Variants in DPP6 observed in about 807,000 individuals in gnomAD.
DPP6 encodes the protein A-type potassium channel modulatory protein DPP6.
Under a neutral mutation model 122.6 loss-of-function variants are expected in DPP6, and 69 were observed. The ratio of observed to expected loss-of-function variants is 0.56; its 90% confidence interval spans 0.46 to 0.69. The LOEUF (loss-of-function observed/expected upper bound fraction) is 0.69. DPP6 is among the 30% of genes least tolerant of loss of function. The pLI is 0.00. For missense variants in DPP6, 928 were observed against 1,116.9 expected (o/e 0.83, Z 2.41); for synonymous variants, 418 against 433.1 (o/e 0.97, Z 0.43).
intron 1 of DPP6, among the ~76,000 whole-genome samples, chr7:154,222,022 G>T (rs1415958687): frequency 1.3e-5 from 2 of 152,074 alleles, no homozygotes; most frequent in Non-Finnish European, 2.9e-5. Context: ...ATCTTTTCGG[G>T]AGAACCTCTG....
At chr7:153,791,161 T>C in the DPP6 span, among the ~76,000 whole-genome samples, 1 of 152,152 alleles carries the variant, frequency 6.6e-6, no homozygotes, top group Non-Finnish European at 1.5e-5. Flanking sequence ...TTTGTTGGGG[T>C]TTCATTGATA....
chr7:154,888,524 C>T (rs34448698), intron 23 of DPP6, among the ~76,000 whole-genome samples: 14,457 of 152,208 alleles, frequency 0.095, 938 homozygotes, highest in South Asian at 0.17. Context: ...AGCTCCTGGC[C>T]GAGGCAGCAC....
At chr7:154,288,859 A>G (rs1441177724) in intron 1 of DPP6, among the ~76,000 whole-genome samples, 9 of 152,226 alleles carry the variant, frequency 5.9e-5, no homozygotes, top group Admixed American at 3.9e-4. Context: ...TTCCATGTGG[A>G]TAGAGCAAAA....
At chr7:154,372,845 A>C (rs1812792986) in intron 1 of DPP6, among the ~76,000 whole-genome samples, 2 of 152,152 alleles carry the variant, frequency 1.3e-5, no homozygotes, top group African/African-American at 4.8e-5. Flanking sequence ...CCATCCTGGG[A>C]ATGCATGACA....
chr7:154,882,212 G>A (rs940420146), intron 21 of DPP6, among the ~76,000 whole-genome samples: 3 of 152,160 alleles, frequency 2.0e-5, no homozygotes, highest in South Asian at 2.1e-4. Context: ...ACAGGCAGCC[G>A]AGGTGCCAAA....
the DPP6 span, among the ~76,000 whole-genome samples, chr7:153,806,554 T>A: frequency 6.6e-6 from 1 of 151,730 alleles, no homozygotes. Flanking sequence ...ATATACATTT[T>A]TCAATCCTTA....
intron 1 of DPP6, among the ~76,000 whole-genome samples, chr7:154,003,925 T>C (rs1797793971): frequency 6.6e-6 from 1 of 152,220 alleles, no homozygotes; most frequent in African/African-American, 2.4e-5. Flanking sequence ...AATGGGGAAA[T>C]AGGCTCTATC....
At chr7:154,388,994 T>C (rs1219872866) in intron 1 of DPP6, among the ~76,000 whole-genome samples, 1 of 152,184 alleles carries the variant, frequency 6.6e-6, no homozygotes, top group Non-Finnish European at 1.5e-5. Flanking sequence ...CCTGAGCGTT[T>C]TGATTTTTCT....
At chr7:153,811,048 T>C in the DPP6 span, among the ~76,000 whole-genome samples, 2 of 151,712 alleles carry the variant, frequency 1.3e-5, no homozygotes, top group African/African-American at 4.8e-5. Flanking sequence ...GGACTGTTGC[T>C]CAGCGCCTGC....
intron 1 of DPP6, among the ~76,000 whole-genome samples, chr7:154,231,051 C>T (rs945984286): frequency 6.6e-6 from 1 of 152,180 alleles, no homozygotes; most frequent in Non-Finnish European, 1.5e-5. Context: ...TTGAATGCTG[C>T]ATCTAGTGAC....
chr7:154,068,556 T>G (rs1802903489), intron 1 of DPP6, among the ~76,000 whole-genome samples: 1 of 104,790 alleles, frequency 9.5e-6, no homozygotes, highest in African/African-American at 3.3e-5. Context: ...GAGGGTGGCT[T>G]TGGCAGGAGC....
chr7:154,520,441 A>C (rs1199859084), intron 3 of DPP6, among the ~76,000 whole-genome samples: 1 of 152,262 alleles, frequency 6.6e-6, no homozygotes, highest in Non-Finnish European at 1.5e-5. Context: ...TGCACTGCAT[A>C]CTTCTGGCAT....
At chr7:154,027,571 C>G (rs1202890893) in intron 1 of DPP6, among the ~76,000 whole-genome samples, 1 of 152,130 alleles carries the variant, frequency 6.6e-6, no homozygotes, top group East Asian at 1.9e-4. Context: ...AGTCCACCTC[C>G]TAACACCATC....
chr7:154,881,130 C>G (rs187581741), intron 21 of DPP6, 188 bp downstream of exon 21: 1 of 982,366 alleles, frequency 1.0e-6, no homozygotes, highest in Admixed American at 3.5e-5. Flanking sequence ...GCTCATTTTC[C>G]TAAGTTTCTT....
rs2150952551 is a variant in DPP6, at chr7:154,282,425, G to T, written c.244-163789G>T. Among the ~76,000 whole-genome samples the T allele has an allele frequency of 6.6e-6, 1 of 152,330 alleles. No individual in the cohort carries two copies. The highest frequency in any genetic ancestry group is 6.5e-5 in the Admixed American group (1 of 15,308). On this transcript the variant is annotated intron_variant, in intron 1 of 25. Transcript: ENST00000377770. This position sits in a 1 kb window ranked among gnomAD's most constrained non-coding sequence, Gnocchi z 4.8. The stretch of plus-strand genomic sequence containing the variant: ...TACCTGGGGTGCTGATTAGCACTGT[G>T]CAATGTACTGATTGGTACTGTGTAA...
At chr7:154,126,353 T>C (rs1159465259) in intron 1 of DPP6, among the ~76,000 whole-genome samples, 2 of 152,170 alleles carry the variant, frequency 1.3e-5, no homozygotes, top group Non-Finnish European at 2.9e-5. Flanking sequence ...AATGGGGTCA[T>C]GAGAGAGGGA....
intron 1 of DPP6, among the ~76,000 whole-genome samples, chr7:154,421,468 G>A (rs1439896829): frequency 3.3e-5 from 5 of 151,938 alleles, no homozygotes; most frequent in African/African-American, 7.3e-5. Flanking sequence ...GATTACAGGC[G>A]TGCACCACCA....
intron 15 of DPP6, 95 bp downstream of exon 15, chr7:154,805,059 G>T: frequency 6.7e-7 from 1 of 1,490,898 alleles, no homozygotes; most frequent in African/African-American, 1.4e-5. Context: ...GGAAAGGGCG[G>T]CAGCAAAGAC....
At chr7:154,475,174 GTCA>G in intron 3 of DPP6, 137 bp downstream of exon 3, 1 of 711,560 alleles carries the variant, frequency 1.4e-6, no homozygotes, top group East Asian at 2.7e-5. Context: ...TTTTGCTGTA[GTCA>G]TCATCAGATT....
Sources: allele counts gnomAD v4.1 joint callset (sites outside exome capture counted in the v4.1 genomes callset), GRCh38; gene constraint gnomAD v4.1.1; non-coding constraint Gnocchi (gnomAD v3.1); transcripts MANE v1.5; gene names NCBI Gene and HGNC (gene_info 2026-07-23, HGNC 2026-07-21).